Variants in EPM2A observed in about 807,000 individuals in gnomAD.
The protein encoded by EPM2A is EPM2A glucan phosphatase, laforin, also known as laforin.
A neutral mutation model predicts 26.5 loss-of-function variants in EPM2A; 21 were observed. The ratio of observed to expected loss-of-function variants is 0.79; its 90% CI spans 0.56 to 1.14. The LOEUF (loss-of-function observed/expected upper bound fraction) is 1.14, where lower values mean the gene tolerates loss of function less well. Among genes scored for constraint, EPM2A ranks in the 50% most tolerant of loss-of-function variants. The pLI is 0.00. For synonymous variants in EPM2A, 217 were observed against 177.6 expected (o/e 1.22, Z -1.76); for missense variants, 458 against 440.8 (o/e 1.04, Z -0.35).
At chr6:145,664,365 AG>A (rs1411045710) in intron 2 of EPM2A, among the ~76,000 whole-genome samples, 3 of 121,392 alleles carry the variant, frequency 2.5e-5, no homozygotes, top group Non-Finnish European at 1.7e-5. Context: ...TTGCAATCCT[AG>A]TCTCTGATAA....
intron 2 of EPM2A, among the ~76,000 whole-genome samples, chr6:145,547,755 G>A (rs1213474050): frequency 6.6e-6 from 1 of 152,012 alleles, no homozygotes; most frequent in African/African-American, 2.4e-5. Context: ...GATAACATAA[G>A]AATCTTCAGG....
At chr6:145,650,885 G>A (rs996311854) in intron 2 of EPM2A, among the ~76,000 whole-genome samples, 4 of 152,088 alleles carry the variant, frequency 2.6e-5, no homozygotes, top group South Asian at 4.2e-4. Context: ...ATTGTTTATC[G>A]TTGAGCAAAG....
At chr6:145,454,712 A>G (rs1779238173) in intron 4 of EPM2A, among the ~76,000 whole-genome samples, 3 of 152,184 alleles carry the variant, frequency 2.0e-5, no homozygotes, top group African/African-American at 4.8e-5. Flanking sequence ...ATCTGAATTC[A>G]CACTACCTGG....
intron 4 of EPM2A, among the ~76,000 whole-genome samples, chr6:145,409,141 A>G (rs1455518703): frequency 6.6e-6 from 1 of 152,212 alleles, no homozygotes; most frequent in African/African-American, 2.4e-5. Context: ...AGAAGTATTA[A>G]TTATCCTTTA....
upstream of EPM2A, chr6:145,735,564 A>G: frequency 1.8e-6 from 2 of 1,115,974 alleles, no homozygotes. Context: ...CGGCCCGAGC[A>G]CTAGGCGGCC....
intron 4 of EPM2A, among the ~76,000 whole-genome samples, chr6:145,409,229 C>A (rs1283177277): frequency 6.6e-6 from 1 of 151,888 alleles, no homozygotes; most frequent in Non-Finnish European, 1.5e-5. Context: ...TTATTAAGTC[C>A]TTTCACACAC....
chr6:145,704,662 C>G (rs537123890), intron 1 of EPM2A, among the ~76,000 whole-genome samples: 1 of 152,232 alleles, frequency 6.6e-6, no homozygotes, highest in South Asian at 2.1e-4. Flanking sequence ...CACCATATAA[C>G]CCCTCCTAAA....
At chr6:145,556,908 T>C (rs1337820551) in intron 2 of EPM2A, among the ~76,000 whole-genome samples, 1 of 152,102 alleles carries the variant, frequency 6.6e-6, no homozygotes, top group Non-Finnish European at 1.5e-5. Flanking sequence ...TTTGGTGGTG[T>C]ATATATGGAA....
chr6:145,506,635 A>G (rs421032), intron 2 of EPM2A, among the ~76,000 whole-genome samples: 71,443 of 151,954 alleles, frequency 0.47, 16,813 homozygotes, highest in South Asian at 0.6. Flanking sequence ...TATAATATGA[A>G]CTCAAGCATA....
intron 2 of EPM2A, among the ~76,000 whole-genome samples, chr6:145,616,065 T>C (rs999374971): frequency 2.0e-5 from 3 of 152,040 alleles, no homozygotes; most frequent in South Asian, 2.1e-4. Context: ...CCCAAGACAA[T>C]GGGGAAAATG....
intron 2 of EPM2A, among the ~76,000 whole-genome samples, chr6:145,667,213 C>G (rs1449523531): frequency 2.8e-5 from 3 of 106,354 alleles, no homozygotes; most frequent in Non-Finnish European, 5.4e-5. Context: ...AAACTACCAT[C>G]AGAGTGAACA....
rs1332673281 is a variant in EPM2A, at chr6:145,601,580, T to C, written c.340+33665A>G. On this transcript the variant is annotated intron_variant, in intron 2 of 3. Transcript: ENST00000450221. ...TATGTGCATTTCCCAACTAAGTGTT[T>C]TGTAATGCTTCTTGCTCCCCAGACC... is the stretch of plus-strand genomic sequence containing the variant. Among the ~76,000 whole-genome samples, 3 of 152,230 alleles carry C rather than the reference T, an allele frequency of 2.0e-5. No homozygotes were observed. In the East Asian group the frequency reaches 5.8e-4, roughly 29 times the overall value.
chr6:145,450,360 A>AG (rs1562339346), intron 4 of EPM2A, among the ~76,000 whole-genome samples: 1 of 151,384 alleles, frequency 6.6e-6, no homozygotes, highest in East Asian at 1.9e-4. Flanking sequence ...CAAAAAAAAA[A>AG]AAAAAAAAAA....
chr6:145,693,018 A>C (rs747934059), intron 1 of EPM2A, among the ~76,000 whole-genome samples: 7 of 151,980 alleles, frequency 4.6e-5, no homozygotes, highest in Non-Finnish European at 1.0e-4. Context: ...TGGCCACTTG[A>C]GCAATATTAA....
intron 3 of EPM2A, chr6:145,631,871 TCACACA>T (rs1554256529): frequency 0.018 from 1,348 of 72,984 alleles, 20 homozygotes; most frequent in East Asian, 0.11. Flanking sequence ...TCTCTCTCTC[TCACACA>T]CACACACACA....
chr6:145,500,634 A>T (rs1410214454), downstream of EPM2A, among the ~76,000 whole-genome samples: 1 of 152,190 alleles, frequency 6.6e-6, no homozygotes, highest in East Asian at 1.9e-4. Context: ...ATGAACAAAC[A>T]CATGGCTCCT....
At chr6:145,635,536 G>A in intron 2 of EPM2A, 50 bp from the exon 3 acceptor site, 6 of 1,587,772 alleles carry the variant, frequency 3.8e-6, no homozygotes, top group Non-Finnish European at 3.5e-6. Context: ...TCTGATTTGA[G>A]GTTTAAGGAG....
At chr6:145,438,672 C>T (rs1414649876) in intron 4 of EPM2A, among the ~76,000 whole-genome samples, 1 of 151,902 alleles carries the variant, frequency 6.6e-6, no homozygotes, top group South Asian at 2.1e-4. Context: ...CGGGGTTTCA[C>T]CATGTTGGTC....
At chr6:145,638,072 C>T (rs776362454) in intron 2 of EPM2A, 8 of 151,890 alleles carry the variant, frequency 5.3e-5, no homozygotes, top group Non-Finnish European at 1.0e-4. Flanking sequence ...TTTCAACTGG[C>T]AAAATTTTAA....
Sources: gnomAD v4.1 joint callset for allele counts (sites outside exome capture counted in the v4.1 genomes callset) on GRCh38, gnomAD v4.1.1 for gene constraint, MANE v1.5 for transcripts, NCBI Gene and HGNC (gene_info 2026-07-23, HGNC 2026-07-21) for gene names.